CDH11: variants seen among roughly 807,000 people sequenced by gnomAD.
CDH11 encodes cadherin 11, also known as cadherin-11.
CDH11 carries 11 observed loss-of-function variants against 67.8 expected under a neutral mutation model. The observed-to-expected ratio is 0.16, with a 90% CI of 0.10 to 0.27. The LOEUF is 0.27. Ranked by LOEUF, CDH11 falls within the 10% of genes least tolerant of loss-of-function variation. The probability of loss-of-function intolerance (pLI) is 1.00; values close to 1 mark genes in which losing one functional copy is unlikely to be tolerated. For missense variants in CDH11, 847 were observed against 1,031.2 expected, an observed-to-expected ratio of 0.82 and a Z score of 2.45; for synonymous variants, 419 against 400.0, an observed-to-expected ratio of 1.05 and a Z score of -0.57.
At chr16:65,123,321 G>A (rs925519512), upstream of CDH11, among the ~76,000 whole-genome samples, 1 of 152,024 alleles carries the variant, frequency 6.6e-6, no homozygotes, top group Admixed American at 6.5e-5. Context: ...CGCCTAGGGG[G>A]ACGGGGATGA....
At chr16:65,096,161 C>T (rs966226870) in intron 1 of CDH11, among the ~76,000 whole-genome samples, 3 of 152,192 alleles carry the variant, frequency 2.0e-5, no homozygotes, top group South Asian at 2.1e-4. Context: ...CGCAAGCATA[C>T]GTCCATGTAG....
intron 1 of CDH11, among the ~76,000 whole-genome samples, chr16:65,081,089 C>A (rs889537995): frequency 3.9e-5 from 6 of 152,028 alleles, no homozygotes; most frequent in Admixed American, 3.9e-4. Flanking sequence ...GTTGAATATA[C>A]AATAATCGTT....
In CDH11 at chr16:64,946,417, G is replaced by A. The variant is rs2071198414; in HGVS notation, c.*1186C>T. 1 of 1,034,912 alleles carries A rather than the reference G, an allele frequency of 9.7e-7. No homozygotes were observed. The highest frequency in any genetic ancestry group is 1.2e-6 in the Non-Finnish European group (1 of 859,822). 64.1% of individuals were successfully genotyped at this position (1,034,912 alleles called of 1,614,324 possible). ...AGTTCTGATAGCTCCATTCCCTCATGGATTCATCTCTCATAACCATCAAAT... is the reference window on the plus strand; with the variant it reads ...AGTTCTGATAGCTCCATTCCCTCATAGATTCATCTCTCATAACCATCAAAT... On this transcript the variant is annotated 3_prime_UTR_variant, in exon 13 of 13. Coordinates refer to ENST00000268603, the MANE Select transcript of CDH11 (RefSeq NM_001797.4).
intron 1 of CDH11, among the ~76,000 whole-genome samples, chr16:65,064,040 C>T (rs1188197443): frequency 6.6e-6 from 1 of 152,194 alleles, no homozygotes; most frequent in Non-Finnish European, 1.5e-5. Context: ...CAAGAGGACA[C>T]TGCATGTGCA....
intron 12 of CDH11, among the ~76,000 whole-genome samples, chr16:64,950,032 A>AT (rs1255384568): frequency 1.3e-5 from 2 of 152,124 alleles, no homozygotes; most frequent in Non-Finnish European, 2.9e-5. Flanking sequence ...TCAGACATGC[A>AT]TAGGTTTGAA....
chr16:65,002,543 A>G (rs1052631341), intron 3 of CDH11, among the ~76,000 whole-genome samples: 1 of 152,150 alleles, frequency 6.6e-6, no homozygotes, highest in Non-Finnish European at 1.5e-5. Flanking sequence ...GTCAACTTCC[A>G]CATATTTCCA....
intron 1 of CDH11, among the ~76,000 whole-genome samples, chr16:65,077,578 A>G (rs544095344): frequency 1.3e-5 from 2 of 152,366 alleles, no homozygotes; most frequent in East Asian, 3.9e-4. Context: ...TCTCACCTGC[A>G]CAATATCTTA....
chr16:65,057,403 TGCCCACA>T (rs2074161729), intron 1 of CDH11, among the ~76,000 whole-genome samples: 1 of 152,216 alleles, frequency 6.6e-6, no homozygotes, highest in South Asian at 2.1e-4. Flanking sequence ...TGTGCTTGGC[TGCCCACA>T]GCACTAAGCC....
chr16:65,109,245 C>T (rs1011683157), intron 1 of CDH11, among the ~76,000 whole-genome samples: 1 of 152,210 alleles, frequency 6.6e-6, no homozygotes, highest in African/African-American at 2.4e-5. Context: ...GCTACAAAAT[C>T]AAAGCCCTTA....
chr16:65,078,444 C>G (rs1286631106), intron 1 of CDH11, among the ~76,000 whole-genome samples: 2 of 152,168 alleles, frequency 1.3e-5, no homozygotes, highest in Non-Finnish European at 2.9e-5. Flanking sequence ...AGCGAAGACA[C>G]TACTTCGTAT....
At chr16:64,994,133 G>A (rs1204993686) in intron 4 of CDH11, among the ~76,000 whole-genome samples, 2 of 152,094 alleles carry the variant, frequency 1.3e-5, no homozygotes, top group East Asian at 1.9e-4. Flanking sequence ...TAATTTATAG[G>A]ATTGTCAGTG....
chr16:64,981,861 C>T (rs1010090182), intron 8 of CDH11, 187 bp downstream of exon 8: 2 of 520,008 alleles, frequency 3.8e-6, no homozygotes, highest in Non-Finnish European at 6.6e-6. Context: ...CAATCCTATC[C>T]AAAAAGTCAG....
At chr16:65,040,035 G>A (rs887296661) in intron 2 of CDH11, among the ~76,000 whole-genome samples, 15 of 152,232 alleles carry the variant, frequency 9.9e-5, no homozygotes, top group African/African-American at 2.4e-4. Context: ...TTAGAATGGC[G>A]ATCATTAAAA....
chr16:65,117,889 C>T (rs1175400177), intron 1 of CDH11, among the ~76,000 whole-genome samples: 1 of 152,124 alleles, frequency 6.6e-6, no homozygotes, highest in Admixed American at 6.5e-5. Flanking sequence ...GCAGCCCAGC[C>T]CCCACCCCGG....
At chr16:65,008,222 C>A (rs548236724) in intron 2 of CDH11, among the ~76,000 whole-genome samples, 63 of 152,316 alleles carry the variant, frequency 4.1e-4, no homozygotes, top group African/African-American at 1.5e-3. Context: ...TAGCTTAATA[C>A]TAATGAATTT....
At chr16:64,977,283 G>A (rs1191969729) in intron 8 of CDH11, among the ~76,000 whole-genome samples, 1 of 152,158 alleles carries the variant, frequency 6.6e-6, no homozygotes, top group Non-Finnish European at 1.5e-5. Flanking sequence ...GGTGGGAGTG[G>A]GCGGTTGGTT....
At chr16:64,978,961 T>G (rs1013344411) in intron 8 of CDH11, among the ~76,000 whole-genome samples, 1 of 151,748 alleles carries the variant, frequency 6.6e-6, no homozygotes, top group Non-Finnish European at 1.5e-5. Flanking sequence ...AAGGACACTA[T>G]TAAGAAACTG....
chr16:64,971,717 A>G, intron 10 of CDH11, 21 bp from the exon 11 acceptor site: 1 of 1,551,802 alleles, frequency 6.4e-7, no homozygotes, highest in African/African-American at 1.4e-5. Flanking sequence ...AAGGTGGCCC[A>G]TAAATAAATC....
At position 64,945,168 on chromosome 16, in the gene CDH11, G is replaced by A. The variant is rs528223358; in HGVS notation, c.*2435C>T. On this transcript the variant is annotated 3_prime_UTR_variant, in exon 13 of 13. Transcript: ENST00000268603. ...GATTACTTTAGAATAAGGAAGGACC[G>A]TTTAAATTAAGACTTCTTTTAAGGC... is the stretch of plus-strand genomic sequence containing the variant. 6 of 202,338 alleles carry A rather than the reference G, an allele frequency of 3.0e-5. No individual in the cohort carries two copies. The highest frequency in any genetic ancestry group is 7.7e-5 in the East Asian group (1 of 12,964). 12.5% of individuals were successfully genotyped at this position (202,338 alleles called of 1,614,324 possible). A position where few individuals can be genotyped will look rare whatever the true frequency, so the allele number is the denominator to read the frequency against.
Sources: gnomAD v4.1 joint callset for allele counts (sites outside exome capture counted in the v4.1 genomes callset) on GRCh38, gnomAD v4.1.1 for gene constraint, MANE v1.5 for transcripts, NCBI Gene and HGNC (gene_info 2026-07-23, HGNC 2026-07-21) for gene names.